Variants in STK32A observed in about 807,000 individuals in gnomAD.
STK32A encodes serine/threonine kinase 32A, also known as serine/threonine-protein kinase 32A.
STK32A carries 41 observed loss-of-function variants against 53.2 expected under a neutral mutation model. That is an observed-to-expected ratio of 0.77 (90% CI 0.60 to 1.00). The LOEUF (loss-of-function observed/expected upper bound fraction) is 1.00. STK32A is among the 50% of genes least tolerant of loss of function. The pLI is 0.00. For synonymous variants in STK32A, 166 were observed against 162.8 expected (o/e 1.02, Z -0.15); for missense variants, 458 against 485.8 (o/e 0.94, Z 0.54).
chr5:147,326,777 G>T (rs949961350), intron 5 of STK32A, among the ~76,000 whole-genome samples: 1 of 152,168 alleles, frequency 6.6e-6, no homozygotes, highest in Non-Finnish European at 1.5e-5. Flanking sequence ...GAGCTAAAGA[G>T]GATGCTATTA....
chr5:147,253,195 C>T (rs1450757831), intron 2 of STK32A, among the ~76,000 whole-genome samples: 6 of 151,794 alleles, frequency 4.0e-5, no homozygotes, highest in Admixed American at 1.3e-4. Context: ...TTTGATAATC[C>T]TTTGATCCTG....
At chr5:147,330,378 A>C (rs181431301) in intron 5 of STK32A, among the ~76,000 whole-genome samples, 92 of 152,370 alleles carry the variant, frequency 6.0e-4, no homozygotes, top group Non-Finnish European at 2.8e-4. Flanking sequence ...TAACATTGTA[A>C]CATAACTCAG....
chr5:147,319,809 G>A (rs1438415113), intron 4 of STK32A, among the ~76,000 whole-genome samples: 2 of 152,132 alleles, frequency 1.3e-5, no homozygotes, highest in African/African-American at 2.4e-5. Flanking sequence ...ACAATGAACT[G>A]TTCTATCATT....
the STK32A span, among the ~76,000 whole-genome samples, chr5:147,398,417 C>T: frequency 1.1e-4 from 16 of 152,152 alleles, no homozygotes; most frequent in African/African-American, 3.6e-4. Context: ...TTTTTCTGTA[C>T]CTCCAATTTT....
At chr5:147,330,736 A>G (rs1754826868) in intron 5 of STK32A, among the ~76,000 whole-genome samples, 1 of 152,088 alleles carries the variant, frequency 6.6e-6, no homozygotes, top group Admixed American at 6.5e-5. Flanking sequence ...TGACCTCCTC[A>G]TTGTTTCTCT....
At chr5:147,374,148 C>T (rs935415040) in intron 10 of STK32A, among the ~76,000 whole-genome samples, 10 of 151,700 alleles carry the variant, frequency 6.6e-5, no homozygotes, top group African/African-American at 1.7e-4. Context: ...ATTAGGCAGG[C>T]GTGGTGGTAC....
chr5:147,375,260 A>G, intron 11 of STK32A, 42 bp downstream of exon 11: 2 of 1,595,054 alleles, frequency 1.3e-6, no homozygotes, highest in Non-Finnish European at 1.7e-6. Context: ...GGGTATCCCC[A>G]TGATGGCTGC....
intron 6 of STK32A, 46 bp downstream of exon 6, chr5:147,343,089 GA>G: frequency 1.3e-6 from 2 of 1,598,076 alleles, no homozygotes; most frequent in Non-Finnish European, 1.7e-6. Flanking sequence ...CATGCATGTA[GA>G]AAAGTTGATT....
At chr5:147,333,208 A>G (rs529103186) in intron 5 of STK32A, among the ~76,000 whole-genome samples, 2 of 152,232 alleles carry the variant, frequency 1.3e-5, no homozygotes, top group South Asian at 2.1e-4. Flanking sequence ...GTCCTCTTAG[A>G]GCTATGATGT....
chr5:147,389,042 T>C (rs1354562277), downstream of STK32A, among the ~76,000 whole-genome samples: 1 of 152,228 alleles, frequency 6.6e-6, no homozygotes, highest in East Asian at 1.9e-4. Context: ...TAATTAATTC[T>C]TTATGCACTT....
At chr5:147,350,680 TA>T (rs1229701844) in intron 6 of STK32A, among the ~76,000 whole-genome samples, 1 of 151,898 alleles carries the variant, frequency 6.6e-6, no homozygotes, top group Non-Finnish European at 1.5e-5. Flanking sequence ...TTTGCCTCTT[TA>T]AAAAAAATAA....
intron 11 of STK32A, 25 bp from the exon 12 acceptor site, chr5:147,383,416 T>A (rs945913407): frequency 1.3e-6 from 2 of 1,562,558 alleles, no homozygotes; most frequent in Non-Finnish European, 1.7e-6. Context: ...TATACCTCTA[T>A]TTTTTTTCTA....
chr5:147,318,262 A>G (rs1010884618), intron 4 of STK32A, among the ~76,000 whole-genome samples: 1 of 152,148 alleles, frequency 6.6e-6, no homozygotes, highest in Non-Finnish European at 1.5e-5. Context: ...TTTTGTAGCC[A>G]TTGAAATGCA....
intron 5 of STK32A, among the ~76,000 whole-genome samples, chr5:147,331,609 C>T (rs1414586943): frequency 1.3e-5 from 2 of 152,212 alleles, no homozygotes; most frequent in African/African-American, 4.8e-5. Context: ...GAAGTCCTAA[C>T]CTCCAGTGCC....
At chr5:147,350,046 G>GT (rs922845388) in intron 6 of STK32A, among the ~76,000 whole-genome samples, 63 of 151,650 alleles carry the variant, frequency 4.2e-4, no homozygotes, top group African/African-American at 1.4e-3. Context: ...GGGAGGCGGA[G>GT]ATTGCAGTGA....
chr5:147,275,758 G>A (rs1020764321), intron 2 of STK32A, among the ~76,000 whole-genome samples: 8 of 152,104 alleles, frequency 5.3e-5, no homozygotes, highest in African/African-American at 1.9e-4. Context: ...GAGATGAATT[G>A]CTCTAAGGCT....
chr5:147,376,703 C>G (rs1468732541), intron 11 of STK32A, among the ~76,000 whole-genome samples: 3 of 152,162 alleles, frequency 2.0e-5, no homozygotes, highest in African/African-American at 7.2e-5. Context: ...TGTTCTTCTT[C>G]AAGGCCTTTG....
chr5:147,376,772 C>T (rs1757248475), intron 11 of STK32A, among the ~76,000 whole-genome samples: 1 of 152,118 alleles, frequency 6.6e-6, no homozygotes. Flanking sequence ...TAGGGGGCTT[C>T]CTCTCATTCT....
intron 6 of STK32A, among the ~76,000 whole-genome samples, chr5:147,344,673 T>G (rs1755599416): frequency 6.6e-6 from 1 of 152,212 alleles, no homozygotes. Context: ...TTGTGCAACT[T>G]AGGGAGAAGT....
Sources: allele counts gnomAD v4.1 joint callset (sites outside exome capture counted in the v4.1 genomes callset), GRCh38; gene constraint gnomAD v4.1.1; transcripts MANE v1.5; gene names NCBI Gene and HGNC (gene_info 2026-07-23, HGNC 2026-07-21).